PLD2: variants seen among roughly 807,000 people sequenced by gnomAD.
PLD2 encodes choline phosphatase 2.
A neutral mutation model predicts 119.8 loss-of-function variants in PLD2; 101 were observed. That is an observed-to-expected ratio of 0.84 (90% CI 0.72 to 0.99). The LOEUF (loss-of-function observed/expected upper bound fraction) is 0.99. Among genes scored for constraint, PLD2 ranks in the 50% least tolerant of loss-of-function variants. The pLI, the probability that PLD2 is intolerant of heterozygous loss-of-function variation, is 0.00. For synonymous variants in PLD2, 494 were observed against 482.8 expected (o/e 1.02, Z -0.30); for missense variants, 1,164 against 1,226.8 (o/e 0.95, Z 0.76).
At position 4,807,707 on chromosome 17, in the gene PLD2, G is replaced by A. The variant is rs1906008440; in HGVS notation, c.-1-65G>A. 4 of 868,948 alleles carry A rather than the reference G, an allele frequency of 4.6e-6. No homozygotes were observed. Among genetic ancestry groups the A allele is most frequent in the African/African-American group, 1.7e-5 (1 of 60,098 alleles). 53.8% of individuals were successfully genotyped at this position (868,948 alleles called of 1,614,324 possible). Reference sequence around the variant, plus strand: ...TCTGGAAGAGATGGAGGACCTGCGGGAGTTAGGATGGGGGGCGGGTTCTGC... The same window carrying A: ...TCTGGAAGAGATGGAGGACCTGCGGAAGTTAGGATGGGGGGCGGGTTCTGC... On this transcript the variant is annotated intron_variant, in intron 1 of 24. Coordinates refer to ENST00000263088, the MANE Select transcript of PLD2 (RefSeq NM_002663.5). This position sits in a 1 kb window ranked among gnomAD's most constrained non-coding sequence, Gnocchi z 5.4.
At chr17:4,816,848 C>T in intron 15 of PLD2, 89 bp from the exon 16 acceptor site, 2 of 1,582,620 alleles carry the variant, frequency 1.3e-6, no homozygotes, top group Non-Finnish European at 8.7e-7. Context: ...GTGGTACAGC[C>T]CTCCCTCTGG....
intron 10 of PLD2, among the ~76,000 whole-genome samples, chr17:4,813,009 T>G (rs1052236125): frequency 1.3e-5 from 2 of 151,986 alleles, no homozygotes; most frequent in Non-Finnish European, 2.9e-5. Context: ...TTGTTTTGTT[T>G]TGGTTTGGTT....
In PLD2 at chr17:4,823,061, G is replaced by A. The variant is rs1669820410; in HGVS notation, c.*197G>A. On this transcript the variant is annotated 3_prime_UTR_variant, in exon 25 of 25. Transcript: ENST00000263088. ...AGGGCACTCCCAACCCTGGGCTGGG[G>A]AGGAGGAGAGAGTCCCAGAGCTCAT... is the stretch of plus-strand genomic sequence containing the variant. 7 of 567,282 alleles carry A rather than the reference G, an allele frequency of 1.2e-5. No individual in the cohort carries two copies. The South Asian group carries it at 1.7e-4, about 13-fold the overall frequency. 35.1% of individuals were successfully genotyped at this position (567,282 alleles called of 1,614,324 possible). A position where few individuals can be genotyped will look rare whatever the true frequency, so the allele number is the denominator to read the frequency against.
chr17:4,814,599 T>C (rs750383235), intron 11 of PLD2, 34 bp from the exon 12 acceptor site: 126 of 1,613,052 alleles, frequency 7.8e-5, no homozygotes, highest in Non-Finnish European at 1.0e-4. Flanking sequence ...GTCTGGGGCT[T>C]CGTTTGCCCC....
chr17:4,810,127 C>A, intron 9 of PLD2, 98 bp downstream of exon 9: 1 of 1,218,814 alleles, frequency 8.2e-7, no homozygotes, highest in Non-Finnish European at 1.2e-6. Flanking sequence ...GAGAGGAAGG[C>A]TTTTCCACCT....
intron 10 of PLD2, 32 bp from the exon 11 acceptor site, chr17:4,814,386 C>G: frequency 6.3e-7 from 1 of 1,588,544 alleles, no homozygotes; most frequent in Non-Finnish European, 8.6e-7. Context: ...GCTTCTGACT[C>G]CCCTGACCTC....
chr17:4,810,815 A>G lies in PLD2; in HGVS notation c.874A>G (p.Lys292Glu), dbSNP rs1222725773. The change falls in exon 10 of 25, where the codon AAG (lysine) becomes GAG (glutamate). Residue 292 changes from lysine (K) to glutamate (E), a missense_variant. Lys to Glu is a moderately conservative substitution (Grantham distance 56). Transcript: ENST00000263088. ...IDTSHRSLILKCSSYRQARWW... is the reference protein window; with the variant it reads ...IDTSHRSLILECSSYRQARWW... ...GTTCCCATCCAGGTCCTTGATTCTC[A>G]AGTGCAGCAGCTACCGGCAGGCACG... is the stretch of plus-strand genomic sequence containing the variant. 1.9e-6 allele frequency: 3 copies of G among 1,611,938 alleles called. No homozygotes were observed. In the African/African-American group the frequency reaches 4.0e-5, roughly 22 times the overall value.
Position 4,809,543 on chromosome 17 carries a change from C to T in PLD2, c.606C>T (p.Arg202=). 6.2e-7 allele frequency: 1 copy of T among 1,606,710 alleles called. No individual in the cohort carries two copies. Among genetic ancestry groups the T allele is most frequent in the Non-Finnish European group, 8.5e-7 (1 of 1,175,158 alleles). ...SQLSFIPDLG[R]KGLEGMIRKR... is the part of the protein sequence containing the mutation. ...TGTCCTTTATCCCGGACTTGGGCCG[C>T]AAAGGACTGTGAGTGTCTGGCCCCC... is the stretch of plus-strand genomic sequence containing the variant. The change falls in exon 7 of 25, where the codon CGC becomes CGT. Residue 202 remains arginine, a synonymous_variant. Coordinates refer to ENST00000263088, the MANE Select transcript of PLD2 (RefSeq NM_002663.5).
rs911343376 is a variant in PLD2 at position 4,822,918 on chromosome 17, C to G, written c.*54C>G. 28 of 982,262 alleles carry G rather than the reference C, an allele frequency of 2.9e-5. No homozygotes were observed. Among genetic ancestry groups the G allele is most frequent in the Non-Finnish European group, 2.8e-5 (18 of 634,018 alleles). The allele number at this position is 982,262 out of a possible 1,614,324, so 60.8% of individuals were successfully genotyped here. ...AGCTGCTGTGCCCCACCACGTCTGG[C>G]TCCCTGCCCCTTAACCCCAAGGACT... On this transcript the variant is annotated 3_prime_UTR_variant, in exon 25 of 25. Coordinates refer to ENST00000263088, the MANE Select transcript of PLD2 (RefSeq NM_002663.5).
Position 4,807,828 on chromosome 17 carries a change from A to C in PLD2, c.56A>C (p.Gln19Pro). Residue 19 changes from glutamine to proline, a missense_variant, in exon 2 of 25, where the codon CAG (glutamine) becomes CCG (proline). Transcript: ENST00000263088. This position sits in a 1 kb window ranked among gnomAD's most constrained non-coding sequence, Gnocchi z 5.4. ...ACTGGGGACGAACTGGACTCCAGCC[A>C]GCTCCAGATGGAGTCCGATGAGGTG... ...FPTGDELDSSQLQMESDEVDT... is the reference protein window; with the variant it reads ...FPTGDELDSSPLQMESDEVDT... The C allele has an allele frequency of 6.2e-7, 1 of 1,613,004 alleles. No homozygotes were observed. Among genetic ancestry groups the C allele is most frequent in the Non-Finnish European group, 8.5e-7 (1 of 1,179,634 alleles).
rs559267104 is a variant in PLD2, at chr17:4,815,327, C to G, written c.1174-149C>G. The G allele has an allele frequency of 2.2e-4, 148 of 678,892 alleles. No homozygotes were observed. In the African/African-American group the frequency reaches 2.3e-3, roughly 11 times the overall value. The allele number at this position is 678,892 out of a possible 1,614,324, so 42.1% of individuals were successfully genotyped here. On this transcript the variant is annotated intron_variant, in intron 12 of 24. Transcript: ENST00000263088. ...CACACAGATGACATTTAGTCTAAGT[C>G]TGTGGCAAGCAGCAAAGCAGGGCAT...
chr17:4,821,726 A>C, intron 23 of PLD2, 67 bp from the exon 24 acceptor site: 1 of 1,149,856 alleles, frequency 8.7e-7, no homozygotes, highest in Non-Finnish European at 1.3e-6. Context: ...GGACAATGTA[A>C]CTTTTCTGGT....
At position 4,807,648 on chromosome 17, in the gene PLD2, C is replaced by A; in HGVS notation, c.-1-124C>A. 1 of 620,402 alleles carries A rather than the reference C, an allele frequency of 1.6e-6. No individual in the cohort carries two copies. Among genetic ancestry groups the A allele is most frequent in the South Asian group, 1.8e-5 (1 of 54,928 alleles). 38.4% of individuals were successfully genotyped at this position (620,402 alleles called of 1,614,324 possible). On this transcript the variant is annotated intron_variant, in intron 1 of 24. Coordinates refer to ENST00000263088, the MANE Select transcript of PLD2 (RefSeq NM_002663.5). The surrounding 1 kb of genome is among the most constrained non-coding windows in gnomAD (Gnocchi z 5.4). ...TTGCAAACTGGTCAGGCGTCATCCG[C>A]GGGCGGTCAGGAGGCCGTGGGGGAA...
Position 4,809,789 on chromosome 17 carries a change from G to T in PLD2, c.707+6G>T. 6.2e-7 allele frequency: 1 copy of T among 1,614,160 alleles called. No individual in the cohort carries two copies. The highest frequency in any genetic ancestry group is 1.1e-5 in the South Asian group (1 of 91,080). ...TGTTATCGCTGGTCCAAGAGGTACG[G>T]GCTATGGCCAAGCAGCTGGGCAGTG... On this transcript the variant is annotated splice_donor_region_variant and intron_variant, in intron 8 of 24. Coordinates refer to ENST00000263088, the MANE Select transcript of PLD2 (RefSeq NM_002663.5).
In PLD2 at chr17:4,818,063, A is replaced by G. The variant is rs1386765019; in HGVS notation, c.1877A>G (p.Tyr626Cys). 3 of 1,614,074 alleles carry G rather than the reference A, an allele frequency of 1.9e-6. No homozygotes were observed. The African/African-American group carries it at 4.0e-5, about 22-fold the overall frequency. The stretch of plus-strand genomic sequence containing the variant: ...CTGGAGAACTCCATCCTCAATGCCT[A>G]CCTGCACACCATCAGGGAGAGCCAG... ...GTLENSILNA[Y>C]LHTIRESQHF... is the part of the protein sequence containing the mutation. Residue 626 changes from tyrosine to cysteine, a missense_variant, in exon 18 of 25, where the codon TAC (tyrosine) becomes TGC (cysteine). By Grantham distance (194) the Tyr-to-Cys change is radical. Coordinates refer to ENST00000263088, the MANE Select transcript of PLD2 (RefSeq NM_002663.5).
chr17:4,818,049 C>T lies in PLD2; in HGVS notation c.1863C>T (p.Ser621=). The T allele has an allele frequency of 1.2e-6, 2 of 1,614,138 alleles. No individual in the cohort carries two copies. The highest frequency in any genetic ancestry group is 1.7e-6 in the Non-Finnish European group (2 of 1,179,954). The stretch of plus-strand genomic sequence containing the variant: ...GGTCAGCAGGGACTCTGGAGAACTC[C>T]ATCCTCAATGCCTACCTGCACACCA... The part of the protein sequence containing the change: ...DRWSAGTLEN[S]ILNAYLHTIR... The change falls in exon 18 of 25, where the codon TCC becomes TCT. Residue 621 remains serine (S), a synonymous_variant. Coordinates refer to ENST00000263088, the MANE Select transcript of PLD2 (RefSeq NM_002663.5).
In PLD2 at chr17:4,808,611, C is replaced by T. The variant is rs891520147; in HGVS notation, c.383+195C>T. Among the ~76,000 whole-genome samples the T allele has an allele frequency of 2.6e-5, 4 of 152,162 alleles. No homozygotes were observed. Among genetic ancestry groups the T allele is most frequent in the South Asian group, 2.1e-4 (1 of 4,826 alleles). Reference sequence around the variant, plus strand: ...GTTCTGTGCCAGCATCTCAGCTGGGCGGGATGCCCAAAATGCTCTTGGCAG... The same window carrying T: ...GTTCTGTGCCAGCATCTCAGCTGGGTGGGATGCCCAAAATGCTCTTGGCAG... On this transcript the variant is annotated intron_variant, in intron 4 of 24. Transcript: ENST00000263088. The surrounding 1 kb of genome is among the most constrained non-coding windows in gnomAD (Gnocchi z 4.1).
chr17:4,810,193 C>T (rs1466110849), intron 9 of PLD2, among the ~76,000 whole-genome samples, 164 bp downstream of exon 9: 1 of 152,180 alleles, frequency 6.6e-6, no homozygotes, highest in Non-Finnish European at 1.5e-5. Context: ...ATGCTTGGGA[C>T]TGCTCTTAGA....
At position 4,819,769 on chromosome 17, in the gene PLD2, G is replaced by A. The variant is rs535420276; in HGVS notation, c.2462+187G>A. On this transcript the variant is annotated intron_variant, in intron 23 of 24. Coordinates refer to ENST00000263088, the MANE Select transcript of PLD2 (RefSeq NM_002663.5). This position sits in a 1 kb window ranked among gnomAD's most constrained non-coding sequence, Gnocchi z 4.2. ...TCCCAGCACTTTGGGAGGCCAAGGC[G>A]GGTGGATTGCCTGAGGTCAGGATTT... 2.6e-5 allele frequency among the ~76,000 whole-genome samples: 4 copies of A among 151,818 alleles called. No homozygotes were observed. The highest frequency in any genetic ancestry group is 4.4e-5 in the Non-Finnish European group (3 of 68,004).
Sources: allele counts gnomAD v4.1 joint callset (sites outside exome capture counted in the v4.1 genomes callset), GRCh38; gene constraint gnomAD v4.1.1; non-coding constraint Gnocchi (gnomAD v3.1); transcripts MANE v1.5; gene names NCBI Gene and HGNC (gene_info 2026-07-23, HGNC 2026-07-21).